Variants in TACC1 observed in about 807,000 individuals in gnomAD.
TACC1 encodes transforming acidic coiled-coil-containing protein 1.
Under a neutral mutation model 84.4 loss-of-function variants are expected in TACC1, and 48 were observed. The observed-to-expected ratio is 0.57, with a 90% CI of 0.45 to 0.72. The LOEUF (loss-of-function observed/expected upper bound fraction) is 0.72, where lower values mean the gene tolerates loss of function less well. Among genes scored for constraint, TACC1 ranks in the 30% least tolerant of loss-of-function variants. The pLI is 0.00. For missense variants in TACC1, 920 were observed against 973.0 expected (o/e 0.95, Z 0.72); for synonymous variants, 372 against 376.3 (o/e 0.99, Z 0.13).
intron 6 of TACC1, 107 bp downstream of exon 6, chr8:38,831,284 TA>T (rs775609343): frequency 2.5e-5 from 28 of 1,104,916 alleles, no homozygotes; most frequent in Non-Finnish European, 3.7e-5. Flanking sequence ...GTGATGAGGA[TA>T]AAATGTAAAT....
chr8:38,730,743 C>T (rs185581611), intron 1 of TACC1, among the ~76,000 whole-genome samples: 4 of 152,258 alleles, frequency 2.6e-5, no homozygotes, highest in East Asian at 3.9e-4. Context: ...GTGGCTTTTT[C>T]GTATTTTGTC....
At chr8:38,758,551 A>C (rs1810561771) in intron 3 of TACC1, among the ~76,000 whole-genome samples, 1 of 151,640 alleles carries the variant, frequency 6.6e-6, no homozygotes, top group Non-Finnish European at 1.5e-5. Context: ...TGGCGGTGCG[A>C]GCCTGTAGTT....
Position 38,849,270 on chromosome 8 carries a change from T to C in TACC1, c.*1247T>C, listed in dbSNP as rs1350021929. 1 of 151,994 alleles carries C rather than the reference T, an allele frequency of 6.6e-6. No individual in the cohort carries two copies. The highest frequency in any genetic ancestry group is 1.5e-5 in the Non-Finnish European group (1 of 67,996). 9.4% of individuals were successfully genotyped at this position (151,994 alleles called of 1,614,324 possible). On this transcript the variant is annotated 3_prime_UTR_variant, in exon 13 of 13. Transcript: ENST00000317827. ...GCTTGTTGAATACTGAGAAGAGGAG[T>C]GCAAGGAGAAGGTCTGTACTAACAA...
intron 3 of TACC1, among the ~76,000 whole-genome samples, chr8:38,821,431 A>G (rs898384706): frequency 2.0e-5 from 3 of 152,382 alleles, no homozygotes; most frequent in Admixed American, 6.5e-5. Context: ...GACTTTTTAC[A>G]TAAACAGAAA....
intron 8 of TACC1, 54 bp from the exon 9 acceptor site, chr8:38,840,170 C>G (rs1830959053): frequency 7.2e-7 from 1 of 1,385,922 alleles, no homozygotes; most frequent in African/African-American, 1.4e-5. Context: ...ATTTCTCCAA[C>G]TTTCATTGTC....
chr8:38,765,215 G>A (rs1387310466), intron 3 of TACC1, among the ~76,000 whole-genome samples: 4 of 150,172 alleles, frequency 2.7e-5, no homozygotes, highest in Non-Finnish European at 5.9e-5. Flanking sequence ...CCTCCTCTTG[G>A]TCTAGGCCAA....
intron 3 of TACC1, among the ~76,000 whole-genome samples, chr8:38,754,690 T>C (rs1482454226): frequency 6.6e-6 from 1 of 152,258 alleles, no homozygotes; most frequent in East Asian, 1.9e-4. Context: ...CTTTAGCTAT[T>C]TGAAATTCTT....
chr8:38,769,290 A>G (rs1363580086), intron 3 of TACC1, among the ~76,000 whole-genome samples: 2 of 101,456 alleles, frequency 2.0e-5, no homozygotes, highest in African/African-American at 7.9e-5. Flanking sequence ...GTATATGTGT[A>G]TGTAAGACTG....
intron 2 of TACC1, among the ~76,000 whole-genome samples, chr8:38,800,190 G>A (rs1821025420): frequency 6.6e-6 from 1 of 152,162 alleles, no homozygotes; most frequent in Non-Finnish European, 1.5e-5. Flanking sequence ...GAAATCACAG[G>A]ACATTCCTCC....
intron 2 of TACC1, among the ~76,000 whole-genome samples, chr8:38,806,188 A>G (rs553489189): frequency 2.0e-5 from 3 of 152,142 alleles, no homozygotes; most frequent in African/African-American, 7.2e-5. Flanking sequence ...GCTCAGAAGC[A>G]TGGCCCCGGG....
intron 2 of TACC1, among the ~76,000 whole-genome samples, chr8:38,791,683 C>G (rs1256849555): frequency 6.6e-6 from 1 of 152,168 alleles, no homozygotes; most frequent in African/African-American, 2.4e-5. Context: ...TAAAGATAGT[C>G]TTTCATACTT....
chr8:38,751,394 T>C (rs759751374), intron 3 of TACC1, among the ~76,000 whole-genome samples: 8 of 152,262 alleles, frequency 5.3e-5, no homozygotes, highest in Non-Finnish European at 1.2e-4. Flanking sequence ...GGTTTGAATC[T>C]AGCTTGGCCA....
At chr8:38,790,685 T>C (rs553702407) in intron 2 of TACC1, among the ~76,000 whole-genome samples, 12 of 152,310 alleles carry the variant, frequency 7.9e-5, no homozygotes, top group African/African-American at 2.9e-4. Context: ...GTTACTCTGG[T>C]AATAGACTGC....
intron 1 of TACC1, among the ~76,000 whole-genome samples, chr8:38,737,138 C>T (rs17506613): frequency 0.39 from 59,885 of 151,904 alleles, 12,663 homozygotes; most frequent in East Asian, 0.9. Context: ...TTTCCTTATC[C>T]GCCGCTGGTC....
chr8:38,827,144 C>T (rs769359741), intron 4 of TACC1, 24 bp from the exon 5 acceptor site: 1 of 1,604,838 alleles, frequency 6.2e-7, no homozygotes, highest in Non-Finnish European at 8.5e-7. Flanking sequence ...TAAAGGGTAG[C>T]ATCTTCTCTG....
At chr8:38,824,708 C>G (rs1021748297) in intron 3 of TACC1, 1 of 152,832 alleles carries the variant, frequency 6.5e-6, no homozygotes, top group Admixed American at 6.5e-5. Context: ...TCCCCAGTTT[C>G]AGGCTTTGTG....
At chr8:38,738,121 C>G (rs1320435417) in intron 1 of TACC1, among the ~76,000 whole-genome samples, 1 of 152,058 alleles carries the variant, frequency 6.6e-6, no homozygotes, top group Non-Finnish European at 1.5e-5. Flanking sequence ...TTAGAAGAGG[C>G]TAGGTGTGGT....
intron 1 of TACC1, among the ~76,000 whole-genome samples, chr8:38,740,824 G>A (rs943668008): frequency 1.3e-5 from 2 of 152,220 alleles, no homozygotes; most frequent in African/African-American, 4.8e-5. Flanking sequence ...TCCGCAGGAA[G>A]ATGGAAAACT....
chr8:38,846,670 T>C, intron 11 of TACC1, 29 bp from the exon 12 acceptor site: 1 of 1,613,006 alleles, frequency 6.2e-7, no homozygotes, highest in South Asian at 1.1e-5. Context: ...GCTTTTTGTC[T>C]CTTTATTACA....
Sources: allele counts gnomAD v4.1 joint callset (sites outside exome capture counted in the v4.1 genomes callset), GRCh38; gene constraint gnomAD v4.1.1; transcripts MANE v1.5; gene names NCBI Gene and HGNC (gene_info 2026-07-23, HGNC 2026-07-21).